The following KRT4 variants were observed in gnomAD, a reference collection of about 807,000 sequenced individuals.
The protein encoded by KRT4 is keratin 4.
KRT4 carries 47 observed loss-of-function variants against 50.6 expected under a neutral mutation model. The observed-to-expected ratio is 0.93, with a 90% CI of 0.73 to 1.18. The LOEUF is 1.18. KRT4 is among the 50% of genes most tolerant of loss of function. The pLI is 0.00. For missense variants in KRT4, 651 were observed against 645.7 expected, an observed-to-expected ratio of 1.01 and a Z score of -0.09; for synonymous variants, 254 against 251.2, an observed-to-expected ratio of 1.01 and a Z score of -0.10.
In KRT4 at chr12:52,813,874, G is replaced by A. The variant is rs1939959701; in HGVS notation, c.185C>T (p.Ser62Phe). The A allele has an allele frequency of 2.8e-6, 3 of 1,072,344 alleles. No individual in the cohort carries two copies. Among genetic ancestry groups the A allele is most frequent in the African/African-American group, 4.3e-5 (1 of 23,254 alleles). The allele number at this position is 1,072,344 out of a possible 1,614,324, so 66.4% of individuals were successfully genotyped here. A position where few individuals can be genotyped will look rare whatever the true frequency, so the allele number is the denominator to read the frequency against. The change falls in exon 1 of 9, where the codon TCC becomes TTC. Residue 62 changes from serine to phenylalanine, a missense_variant. Ser to Phe is a radical substitution (Grantham distance 155). Transcript: ENST00000551956. ...LYNLRGNKSI[S>F]MSVAGSRQGA... Reference sequence around the variant, plus strand: ...TTGTCGTGACCCAGCCACACTCATGGAGATGCTTTTGTTCCCCCTGAGGTT... The same window carrying A: ...TTGTCGTGACCCAGCCACACTCATGAAGATGCTTTTGTTCCCCCTGAGGTT...
chr12:52,808,470 G>C, intron 5 of KRT4, 51 bp from the exon 6 acceptor site: 1 of 1,611,014 alleles, frequency 6.2e-7, no homozygotes, highest in Non-Finnish European at 8.5e-7. Context: ...ATTTGGGTAG[G>C]GTCCATTCTC....
In KRT4 at chr12:52,812,101, C is replaced by A. The variant is rs1306059378; in HGVS notation, c.463-124G>T. 4.0e-6 allele frequency: 3 copies of A among 749,420 alleles called. No individual in the cohort carries two copies. In the East Asian group the frequency reaches 8.0e-5, roughly 20 times the overall value. 46.4% of individuals were successfully genotyped at this position (749,420 alleles called of 1,614,324 possible). A position where few individuals can be genotyped will look rare whatever the true frequency, so the allele number is the denominator to read the frequency against. ...CGGCCCAAGAACCACCCAAGTAGGG[C>A]CACTATGTTGCATCTCCAGGGCACC... On this transcript the variant is annotated intron_variant, in intron 1 of 8. Transcript: ENST00000551956.
Position 52,809,437 on chromosome 12 carries a change from G to A in KRT4, c.780C>T (p.Ala260=). ...TCTCGTCATTAAGACTGTCCACCTT[G>A]GCCTCCAACTCCACCTTGTTCAGGT... The part of the protein sequence containing the change: ...AAYLNKVELE[A]KVDSLNDEIN... The change falls in exon 4 of 9, where the codon GCC becomes GCT. Residue 260 remains alanine, a synonymous_variant. Coordinates refer to ENST00000551956, the MANE Select transcript of KRT4 (RefSeq NM_002272.4). 1 of 1,614,130 alleles carries A rather than the reference G, an allele frequency of 6.2e-7. No homozygotes were observed.
At chr12:52,807,444 C>G (rs773522516) in intron 7 of KRT4, 51 bp from the exon 8 acceptor site, 2 of 1,605,216 alleles carry the variant, frequency 1.2e-6, no homozygotes, top group Admixed American at 3.3e-5. Context: ...GAATTTTGTT[C>G]AATAAGCATG....
At chr12:52,807,302 G>A (rs1939816302) in intron 8 of KRT4, 52 bp from the exon 9 acceptor site, 15 of 1,614,106 alleles carry the variant, frequency 9.3e-6, no homozygotes, top group South Asian at 8.8e-5. Flanking sequence ...CAGCACCCCA[G>A]GGGTCTGGCA....
At chr12:52,809,510 G>A in intron 3 of KRT4, 32 bp from the exon 4 acceptor site, 1 of 1,485,308 alleles carries the variant, frequency 6.7e-7, no homozygotes, top group Non-Finnish European at 9.4e-7. Context: ...AAGAGATGAG[G>A]AGCAGGAATG....
intron 3 of KRT4, 99 bp downstream of exon 3, chr12:52,810,657 A>G (rs1298933504): frequency 1.1e-6 from 1 of 943,808 alleles, no homozygotes; most frequent in Admixed American, 1.7e-5. Flanking sequence ...TGAAGCAGGG[A>G]TGAGGCAGAG....
In KRT4 at chr12:52,806,681, G is replaced by T; in HGVS notation, c.*388C>A. ...AGTGCTGCCGGGTGTTGGAGAAGTA[G>T]TTTGGTTCTGATGTAGATGGATAAT... On this transcript the variant is annotated 3_prime_UTR_variant, in exon 9 of 9. Coordinates refer to ENST00000551956, the MANE Select transcript of KRT4 (RefSeq NM_002272.4). 1 of 296,548 alleles carries T rather than the reference G, an allele frequency of 3.4e-6. No homozygotes were observed. The highest frequency in any genetic ancestry group is 6.6e-6 in the Non-Finnish European group (1 of 151,904). The allele number at this position is 296,548 out of a possible 1,614,324, so 18.4% of individuals were successfully genotyped here. A position where few individuals can be genotyped will look rare whatever the true frequency, so the allele number is the denominator to read the frequency against.
intron 4 of KRT4, 32 bp from the exon 5 acceptor site, chr12:52,808,882 C>G (rs752372097): frequency 3.7e-6 from 6 of 1,613,080 alleles, no homozygotes; most frequent in East Asian, 2.2e-5. Flanking sequence ...TCAGCCCCCC[C>G]AGGAAAGCCT....
rs762909216 is a variant in KRT4 at position 52,807,207 on chromosome 12, T to C, written c.1425A>G (p.Gly475=). 1 of 1,614,044 alleles carries C rather than the reference T, an allele frequency of 6.2e-7. No individual in the cohort carries two copies. Among genetic ancestry groups the C allele is most frequent in the Non-Finnish European group, 8.5e-7 (1 of 1,179,992 alleles). The change falls in exon 9 of 9, where the codon GGA becomes GGG. Residue 475 remains glycine (G), a synonymous_variant. Transcript: ENST00000551956. ...GSTSTGGISG[G]LGSGSGFGLS... ...GGCCAAACCCGGAGCCACTTCCTAATCCTCCGCTGATGCCTCCAGTGCTGG... is the reference window on the plus strand; with the variant it reads ...GGCCAAACCCGGAGCCACTTCCTAACCCTCCGCTGATGCCTCCAGTGCTGG...
chr12:52,811,613 C>T (rs568374646), intron 2 of KRT4, 150 bp downstream of exon 2: 13 of 674,640 alleles, frequency 1.9e-5, no homozygotes, highest in South Asian at 1.4e-4. Flanking sequence ...CCTGAGAAAA[C>T]GTGACTATGT....
At position 52,808,596 on chromosome 12, in the gene KRT4, T is replaced by C. The variant is rs2307028; in HGVS notation, c.999+90A>G. On this transcript the variant is annotated intron_variant, in intron 5 of 8. Coordinates refer to ENST00000551956, the MANE Select transcript of KRT4 (RefSeq NM_002272.4). Reference sequence around the variant, plus strand: ...AGAGTCTGTTCATATCTGACTTCTATTGGGCTTGAGCTAATGATCACCTGT... The same window carrying C: ...AGAGTCTGTTCATATCTGACTTCTACTGGGCTTGAGCTAATGATCACCTGT... The C allele has an allele frequency of 0.66, 1,006,010 of 1,519,960 alleles. 337,294 individuals carry two copies. The highest frequency in any genetic ancestry group is 0.83 in the East Asian group (36,809 of 44,326). The allele number at this position is 1,519,960 out of a possible 1,614,324, so 94.2% of individuals were successfully genotyped here.
Position 52,807,094 on chromosome 12 carries a change from G to A in KRT4, c.1538C>T (p.Thr513Ile), listed in dbSNP as rs1939809779. 1.2e-6 allele frequency: 2 copies of A among 1,614,142 alleles called. No homozygotes were observed. The highest frequency in any genetic ancestry group is 1.1e-5 in the South Asian group (1 of 91,074). Residue 513 changes from threonine (T) to isoleucine (I), a missense_variant, in exon 9 of 9, where the codon ACC becomes ATC. Transcript: ENST00000551956. Reference protein sequence around the residue: ...SGSSSSKIISTTTLNKRR With the variant: ...SGSSSSKIISITTLNKRR ...CTATCGTCTCTTGTTCAGGGTGGTGGTAGAGATGATCTTGCTGCTGGAACT... is the reference window on the plus strand; with the variant it reads ...CTATCGTCTCTTGTTCAGGGTGGTGATAGAGATGATCTTGCTGCTGGAACT...
At chr12:52,811,052 T>A in intron 2 of KRT4, 2 of 521,334 alleles carry the variant, frequency 3.8e-6, no homozygotes, top group Non-Finnish European at 6.9e-6. Flanking sequence ...AGAGACTGTT[T>A]TCGATAGAAA....
Position 52,813,884 on chromosome 12 carries a change from T to C in KRT4, c.175A>G (p.Lys59Glu), listed in dbSNP as rs982339709. 3 of 1,104,704 alleles carry C rather than the reference T, an allele frequency of 2.7e-6. No homozygotes were observed. The highest frequency in any genetic ancestry group is 1.9e-5 in the South Asian group (1 of 53,480). The allele number at this position is 1,104,704 out of a possible 1,614,324, so 68.4% of individuals were successfully genotyped here. The change falls in exon 1 of 9, where the codon AAA (lysine) becomes GAA (glutamate). Residue 59 changes from lysine to glutamate, a missense_variant. Transcript: ENST00000551956. ...SRSLYNLRGN[K>E]SISMSVAGSR... is the part of the protein sequence containing the mutation. ...CCAGCCACACTCATGGAGATGCTTT[T>C]GTTCCCCCTGAGGTTGTAGAGGCTT...
At chr12:52,811,249 T>G (rs1198623915) in intron 2 of KRT4, among the ~76,000 whole-genome samples, 3 of 152,212 alleles carry the variant, frequency 2.0e-5, no homozygotes, top group African/African-American at 4.8e-5. Flanking sequence ...TAATGAGAGG[T>G]GCTGTGTATT....
Position 52,807,826 on chromosome 12 carries a change from C to T in KRT4, c.1164G>A (p.Gln388=). 1.9e-6 allele frequency: 3 copies of T among 1,614,154 alleles called. No individual in the cohort carries two copies. Among genetic ancestry groups the T allele is most frequent in the Non-Finnish European group, 2.5e-6 (3 of 1,180,044 alleles). Residue 388 remains glutamine, a synonymous_variant, in exon 7 of 9, where the codon CAG becomes CAA. Transcript: ENST00000551956. ...CATCTTTAAGGGCATTCTCACCTCG[C>T]TGCTCTGCATCAGCCACGGATACCT... is the stretch of plus-strand genomic sequence containing the variant. ...TLQVSVADAE[Q]RGENALKDAH... is the part of the protein sequence containing the mutation.
chr12:52,813,972 G>A lies in KRT4; in HGVS notation c.87C>T (p.Ala29=), dbSNP rs1055617772. 5 of 1,614,166 alleles carry A rather than the reference G, an allele frequency of 3.1e-6. No individual in the cohort carries two copies. Among genetic ancestry groups the A allele is most frequent in the African/African-American group, 1.3e-5 (1 of 75,050 alleles). Residue 29 remains alanine (A), a synonymous_variant, in exon 1 of 9, where the codon GCC becomes GCT. Coordinates refer to ENST00000551956, the MANE Select transcript of KRT4 (RefSeq NM_002272.4). ...SAIVGGGKRG[A]FSSVSMSGGA... is the part of the protein sequence containing the mutation. ...CTCCAGACATGGAGACTGAGCTGAA[G>A]GCACCTCTCTTGCCACCGCCTACAA...
rs374206474 is a variant in KRT4 at position 52,808,789 on chromosome 12, T to C, written c.896A>G (p.Asn299Ser). 1.9e-5 allele frequency: 31 copies of C among 1,614,162 alleles called. No homozygotes were observed. In the African/African-American group the frequency reaches 4.0e-4, roughly 21 times the overall value. Reference sequence around the variant, plus strand: ...AATGCTGTCCAGGTCCAGGTTGCGGTTGTTGTCCATGGAAAGGACCACGGA... The same window carrying C: ...AATGCTGTCCAGGTCCAGGTTGCGGCTGTTGTCCATGGAAAGGACCACGGA... ...DTSVVLSMDN[N>S]RNLDLDSIIA... Residue 299 changes from asparagine to serine, a missense_variant, in exon 5 of 9, where the codon AAC becomes AGC. Asn to Ser is a conservative substitution (Grantham distance 46, BLOSUM62 1). Coordinates refer to ENST00000551956, the MANE Select transcript of KRT4 (RefSeq NM_002272.4).
Sources: allele counts gnomAD v4.1 joint callset (sites outside exome capture counted in the v4.1 genomes callset), GRCh38; gene constraint gnomAD v4.1.1; transcripts MANE v1.5; gene names NCBI Gene and HGNC (gene_info 2026-07-23, HGNC 2026-07-21).